Variants in ADAM19 observed in about 807,000 individuals in gnomAD.
ADAM19 encodes ADAM metallopeptidase domain 19, also known as disintegrin and metalloproteinase domain-containing protein 19.
A neutral mutation model predicts 114.7 loss-of-function variants in ADAM19; 65 were observed. The ratio of observed to expected loss-of-function variants is 0.57; its 90% CI spans 0.46 to 0.70. The LOEUF (loss-of-function observed/expected upper bound fraction) is 0.70, where lower values mean the gene tolerates loss of function less well. ADAM19 is among the 30% of genes least tolerant of loss of function. The pLI is 0.00. For missense variants in ADAM19, 1,063 were observed against 1,204.7 expected (o/e 0.88, Z 1.74); for synonymous variants, 466 against 460.5 (o/e 1.01, Z -0.15).
In ADAM19 at chr5:157,490,329, T is replaced by TCCTGCCTCCTCA. The variant is rs759307162; in HGVS notation, c.2220_2221insTGAGGAGGCAGG (p.Ser740_Lys741insTer). 2 of 1,614,144 alleles carry TCCTGCCTCCTCA rather than the reference T, an allele frequency of 1.2e-6. No individual in the cohort carries two copies. Among genetic ancestry groups the TCCTGCCTCCTCA allele is most frequent in the Non-Finnish European group, 1.7e-6 (2 of 1,180,020 alleles). On this transcript the variant is annotated stop_gained and inframe_insertion, in exon 19 of 23. Coordinates refer to ENST00000257527, the MANE Select transcript of ADAM19 (RefSeq NM_033274.5). LOFTEE classifies it high-confidence loss of function. ...TCATACCTGAACTGTTGCCTCAGCT[T>TCCTGCCTCCTCA]GGAAGGGAGAGCTGAGGGCTTGAGT... is the stretch of plus-strand genomic sequence containing the variant.
intron 18 of ADAM19, among the ~76,000 whole-genome samples, 191 bp downstream of exon 18, chr5:157,491,424 C>T (rs368865591): frequency 2.6e-4 from 39 of 152,270 alleles, no homozygotes; most frequent in Non-Finnish European, 4.4e-4. Context: ...AGAAGAGAGA[C>T]TGAACCGTGT....
rs1754726785 is a variant in ADAM19, at chr5:157,480,974, C to T, written c.2732G>A (p.Gly911Glu). 6.2e-7 allele frequency: 1 copy of T among 1,614,016 alleles called. No individual in the cohort carries two copies. The highest frequency in any genetic ancestry group is 1.3e-5 in the African/African-American group (1 of 74,910). ...CTAGATTTTCGAGCTAATCATCCCT[C>T]CAGCCCTCTGTGATCTGTATTCTGG... ...KFPEYRSQRA[G>E]GMISSKI Residue 911 changes from glycine to glutamate, a missense_variant, in exon 23 of 23, where the codon GGA becomes GAA. Gly to Glu is a moderately conservative substitution (Grantham distance 98). Around this residue, in one of 3 missense-constraint regions of ADAM19, gnomAD observed 424 missense variants for 445.5 expected, o/e 0.95. Coordinates refer to ENST00000257527, the MANE Select transcript of ADAM19 (RefSeq NM_033274.5).
chr5:157,560,240 G>C (rs902906180), intron 3 of ADAM19, among the ~76,000 whole-genome samples: 2 of 134,058 alleles, frequency 1.5e-5, no homozygotes, highest in South Asian at 5.0e-4. Context: ...ACTCCAGCCT[G>C]GGCGACAGAG....
intron 14 of ADAM19, among the ~76,000 whole-genome samples, chr5:157,495,270 G>C (rs1289844439): frequency 6.6e-6 from 1 of 152,026 alleles, no homozygotes; most frequent in Non-Finnish European, 1.5e-5. Flanking sequence ...CAAAGTGCTG[G>C]GATTACAGGC....
At chr5:157,520,673 A>G (rs1366906052) in intron 5 of ADAM19, among the ~76,000 whole-genome samples, 2 of 152,246 alleles carry the variant, frequency 1.3e-5, no homozygotes, top group African/African-American at 2.4e-5. Flanking sequence ...TTAAGTGGAA[A>G]GACAAGGGTC....
chr5:157,544,344 G>A (rs958254876), intron 3 of ADAM19, among the ~76,000 whole-genome samples: 1 of 152,184 alleles, frequency 6.6e-6, no homozygotes, highest in African/African-American at 2.4e-5. Context: ...CAAACAATGC[G>A]TTAAGTCAAC....
chr5:157,528,529 G>A (rs913608837), intron 5 of ADAM19, among the ~76,000 whole-genome samples: 3 of 152,200 alleles, frequency 2.0e-5, no homozygotes, highest in African/African-American at 7.2e-5. Context: ...CAGTTAGCTT[G>A]GCTCAATCAG....
chr5:157,569,347 C>T (rs1337592587), intron 2 of ADAM19, among the ~76,000 whole-genome samples: 2 of 148,568 alleles, frequency 1.3e-5, no homozygotes, highest in African/African-American at 2.5e-5. Context: ...TGGGCTCAGG[C>T]GATCGTCCCA....
intron 3 of ADAM19, among the ~76,000 whole-genome samples, chr5:157,553,422 T>A (rs920940613): frequency 1.3e-5 from 2 of 152,344 alleles, no homozygotes; most frequent in South Asian, 4.1e-4. Flanking sequence ...TTAATTTTTT[T>A]AAATATGATA....
intron 3 of ADAM19, among the ~76,000 whole-genome samples, chr5:157,550,062 T>C (rs1757146757): frequency 6.6e-6 from 1 of 152,208 alleles, no homozygotes; most frequent in African/African-American, 2.4e-5. Flanking sequence ...AGACATCAGA[T>C]TGCCAGCTTC....
At chr5:157,575,455 C>T in intron 1 of ADAM19, 148 bp downstream of exon 1, 1 of 539,612 alleles carries the variant, frequency 1.9e-6, no homozygotes, top group Non-Finnish European at 3.0e-6. Context: ...GAACAAAGCC[C>T]GGGCTCCCAG....
intron 4 of ADAM19, among the ~76,000 whole-genome samples, chr5:157,533,906 T>C (rs1293592181): frequency 2.0e-5 from 3 of 152,084 alleles, no homozygotes; most frequent in Non-Finnish European, 4.4e-5. Context: ...AGGCGGAGGT[T>C]GCAGTGAGCC....
chr5:157,518,923 A>G (rs761027308), intron 6 of ADAM19, 35 bp from the exon 7 acceptor site: 4 of 1,583,034 alleles, frequency 2.5e-6, no homozygotes, highest in Middle Eastern at 1.7e-4. Context: ...CTGTAGAAAT[A>G]GTGGACTTGG....
At chr5:157,487,125 C>T (rs372396662) in intron 21 of ADAM19, among the ~76,000 whole-genome samples, 155 of 152,278 alleles carry the variant, frequency 1.0e-3, no homozygotes, top group African/African-American at 1.5e-3. Context: ...ACCCAGTGTG[C>T]AGTACTCTGC....
chr5:157,569,443 A>T (rs1757765864), intron 2 of ADAM19, among the ~76,000 whole-genome samples: 1 of 116,012 alleles, frequency 8.6e-6, no homozygotes. Flanking sequence ...TTTTTTGTAG[A>T]GATAGGATCT....
chr5:157,553,393 G>A (rs1757258863), intron 3 of ADAM19, among the ~76,000 whole-genome samples: 1 of 152,140 alleles, frequency 6.6e-6, no homozygotes. Flanking sequence ...TAAAAAGTAA[G>A]TAAAAATAGA....
intron 8 of ADAM19, among the ~76,000 whole-genome samples, chr5:157,511,105 G>C (rs1162048393): frequency 1.3e-5 from 2 of 152,166 alleles, no homozygotes; most frequent in African/African-American, 4.8e-5. Flanking sequence ...AGCAGGAGGA[G>C]GGTTTTCTTT....
Position 157,494,735 on chromosome 5 carries a change from C to T in ADAM19, c.1655G>A (p.Gly552Glu), listed in dbSNP as rs1177409125. 6.2e-7 allele frequency: 1 copy of T among 1,613,940 alleles called. No homozygotes were observed. The highest frequency in any genetic ancestry group is 8.5e-7 in the Non-Finnish European group (1 of 1,179,844). ...EKVNVAGDTF[G>E]NCGKDMNGEH... ...ACCATTCATGTCCTTTCCACAGTTT[C>T]CAAAGGTGTCTCCTGCCACATTCAC... is the stretch of plus-strand genomic sequence containing the variant. The change falls in exon 15 of 23, where the codon GGA becomes GAA. Residue 552 changes from glycine (G) to glutamate (E), a missense_variant. By Grantham distance (98) the Gly-to-Glu change is moderately conservative. This residue lies in a region of ADAM19 where 24 missense variants were observed against 53.0 expected (regional missense o/e 0.45). Coordinates refer to ENST00000257527, the MANE Select transcript of ADAM19 (RefSeq NM_033274.5).
chr5:157,511,660 CA>C (rs1755925218), intron 8 of ADAM19, among the ~76,000 whole-genome samples: 1 of 152,112 alleles, frequency 6.6e-6, no homozygotes, highest in Non-Finnish European at 1.5e-5. Flanking sequence ...GGCTTTTTTT[CA>C]CAGTTACAGA....
Sources: allele counts gnomAD v4.1 joint callset (sites outside exome capture counted in the v4.1 genomes callset), GRCh38; gene constraint gnomAD v4.1.1; regional missense constraint gnomAD v4.1.1; transcripts MANE v1.5; gene names NCBI Gene and HGNC (gene_info 2026-07-23, HGNC 2026-07-21).